SVOPL: variants seen among roughly 807,000 people sequenced by gnomAD.
SVOPL encodes the protein putative transporter SVOPL.
In SVOPL, 60 loss-of-function variants were observed where a neutral mutation model predicts 61.0. That is an observed-to-expected ratio of 0.98 (90% CI 0.80 to 1.22). SVOPL has a LOEUF of 1.22. Ranked by LOEUF, SVOPL falls within the 50% of genes most tolerant of loss-of-function variation. The probability of loss-of-function intolerance (pLI) is 0.00; values close to 1 mark genes in which losing one functional copy is unlikely to be tolerated. For synonymous variants in SVOPL, 279 were observed against 250.0 expected (o/e 1.12, Z -1.09); for missense variants, 662 against 643.9 (o/e 1.03, Z -0.30).
intron 13 of SVOPL, among the ~76,000 whole-genome samples, chr7:138,622,254 G>GTATCTATCTATGTATCTATC (rs1799689940): frequency 2.3e-4 from 12 of 52,882 alleles, no homozygotes; most frequent in Non-Finnish European, 3.8e-4. Context: ...ATCTATCTAT[G>GTATCTATCTATGTATCTATC]TATCTATCTA....
At chr7:138,613,536 A>G (rs1237294060) in intron 14 of SVOPL, among the ~76,000 whole-genome samples, 1 of 152,038 alleles carries the variant, frequency 6.6e-6, no homozygotes, top group Non-Finnish European at 1.5e-5. Context: ...TCAAACCAGC[A>G]GTCATTCTAC....
chr7:138,621,950 CTATCTATCTATG>C lies in SVOPL; in HGVS notation c.1264-827_1264-816del, dbSNP rs1235814410. On this transcript the variant is annotated intron_variant, in intron 13 of 15. Coordinates refer to ENST00000674285, the MANE Select transcript of SVOPL (RefSeq NM_001139456.2). ...TCTATGTATCTATCTATCTATGTAT[CTATCTATCTATG>C]TATCTATCTATGTATCTATCTATCT... Among the ~76,000 whole-genome samples the C allele has an allele frequency of 8.9e-3, 562 of 63,252 alleles. 96 individuals carry two copies. The highest frequency in any genetic ancestry group is 0.036 in the African/African-American group (486 of 13,498). 41.5% of individuals were successfully genotyped at this position (63,252 alleles called of 152,430 possible).
chr7:138,630,172 C>T lies in SVOPL; in HGVS notation c.790-50G>A, dbSNP rs377120355. Reference sequence around the variant, plus strand: ...ACATACTCAGCAGCTTAAGGATGAACGGAGATGTTTCCACTGTTTTCGATC... The same window carrying T: ...ACATACTCAGCAGCTTAAGGATGAATGGAGATGTTTCCACTGTTTTCGATC... On this transcript the variant is annotated intron_variant, in intron 9 of 15. Coordinates refer to ENST00000674285, the MANE Select transcript of SVOPL (RefSeq NM_001139456.2). 5.2e-5 allele frequency: 76 copies of T among 1,456,472 alleles called. No homozygotes were observed. The African/African-American group carries it at 8.1e-4, about 16-fold the overall frequency. The allele number at this position is 1,456,472 out of a possible 1,614,324, so 90.2% of individuals were successfully genotyped here.
chr7:138,685,785 T>C (rs533298661), intron 1 of SVOPL, among the ~76,000 whole-genome samples: 1 of 151,562 alleles, frequency 6.6e-6, no homozygotes, highest in African/African-American at 2.4e-5. Flanking sequence ...GGCAGGAGAA[T>C]CACTTAAACC....
intron 14 of SVOPL, among the ~76,000 whole-genome samples, chr7:138,615,290 G>A (rs1799239932): frequency 6.6e-6 from 1 of 152,160 alleles, no homozygotes; most frequent in East Asian, 1.9e-4. Context: ...GGGCACGATG[G>A]CTCACGCCTG....
At chr7:138,646,873 A>G (rs1253715994) in intron 8 of SVOPL, among the ~76,000 whole-genome samples, 1 of 152,150 alleles carries the variant, frequency 6.6e-6, no homozygotes, top group South Asian at 2.1e-4. Flanking sequence ...CACAGGAAGC[A>G]AGTGGCTTAC....
intron 1 of SVOPL, among the ~76,000 whole-genome samples, chr7:138,690,623 C>G (rs77659663): frequency 0.031 from 4,719 of 151,702 alleles, 143 homozygotes; most frequent in East Asian, 0.16. Context: ...TGAGTGGTTG[C>G]GGGGGGAGGA....
chr7:138,626,205 T>A, intron 12 of SVOPL, 155 bp from the exon 13 acceptor site: 1 of 671,700 alleles, frequency 1.5e-6, no homozygotes, highest in South Asian at 1.9e-5. Context: ...GATTGTGGGG[T>A]CCTTAAGCAA....
chr7:138,633,529 C>T (rs929915589), intron 9 of SVOPL, among the ~76,000 whole-genome samples: 5 of 152,156 alleles, frequency 3.3e-5, no homozygotes, highest in Non-Finnish European at 7.3e-5. Flanking sequence ...CACCAGAAGC[C>T]ACGCAGATGC....
chr7:138,664,514 C>A (rs1339856756), intron 4 of SVOPL, among the ~76,000 whole-genome samples: 4 of 140,272 alleles, frequency 2.9e-5, no homozygotes, highest in Non-Finnish European at 3.1e-5. Context: ...CTTTATCGGG[C>A]GCGCGCGCCT....
chr7:138,647,141 C>T (rs145201850), intron 8 of SVOPL, among the ~76,000 whole-genome samples: 62 of 151,758 alleles, frequency 4.1e-4, no homozygotes, highest in Non-Finnish European at 6.2e-4. Context: ...TTTGGGAGGC[C>T]GAGGTGGGCA....
chr7:138,636,337 T>C (rs572737851), intron 9 of SVOPL, among the ~76,000 whole-genome samples: 10 of 152,284 alleles, frequency 6.6e-5, no homozygotes, highest in Admixed American at 3.9e-4. Context: ...TATAAAATGT[T>C]GCTGAGAAAA....
intron 14 of SVOPL, among the ~76,000 whole-genome samples, chr7:138,599,840 G>A (rs1798437570): frequency 6.8e-6 from 1 of 146,184 alleles, no homozygotes; most frequent in Non-Finnish European, 1.5e-5. Context: ...GTGAGCTGAG[G>A]ACACACCACT....
chr7:138,611,445 C>G (rs1201959114), intron 14 of SVOPL, among the ~76,000 whole-genome samples: 1 of 152,134 alleles, frequency 6.6e-6, no homozygotes, highest in African/African-American at 2.4e-5. Flanking sequence ...CAATCCTTAC[C>G]CCTTTAACTA....
intron 9 of SVOPL, among the ~76,000 whole-genome samples, chr7:138,638,500 G>A (rs1164252054): frequency 2.0e-5 from 3 of 152,034 alleles, no homozygotes; most frequent in East Asian, 1.9e-4. Flanking sequence ...CATATTTAGC[G>A]TCCTTGTATT....
intron 10 of SVOPL, among the ~76,000 whole-genome samples, chr7:138,629,779 G>C (rs77752791): frequency 0.035 from 5,330 of 152,270 alleles, 255 homozygotes; most frequent in African/African-American, 0.11. Flanking sequence ...AGACCAGGCT[G>C]CAAAAGTTAG....
intron 1 of SVOPL, among the ~76,000 whole-genome samples, chr7:138,691,387 A>G (rs1014560307): frequency 6.6e-6 from 1 of 152,192 alleles, no homozygotes; most frequent in African/African-American, 2.4e-5. Context: ...AGACCCATCT[A>G]AACGTATTTT....
intron 15 of SVOPL, among the ~76,000 whole-genome samples, chr7:138,595,196 CTGT>C (rs1563075553): frequency 4.6e-5 from 6 of 130,246 alleles, no homozygotes; most frequent in Admixed American, 7.5e-5. Context: ...TATTAGGATG[CTGT>C]CTGTATGTGT....
At chr7:138,661,997 C>T in intron 5 of SVOPL, 3 of 985,486 alleles carry the variant, frequency 3.0e-6, no homozygotes, top group Non-Finnish European at 3.6e-6. Flanking sequence ...CTGCGTTCCC[C>T]TAACTCCAGA....
Sources: gnomAD v4.1 joint callset for allele counts (sites outside exome capture counted in the v4.1 genomes callset) on GRCh38, gnomAD v4.1.1 for gene constraint, MANE v1.5 for transcripts, NCBI Gene and HGNC (gene_info 2026-07-23, HGNC 2026-07-21) for gene names.